The following ALOX15B variants were observed in gnomAD, a reference collection of about 807,000 sequenced individuals.
The protein encoded by ALOX15B is arachidonate 15-lipoxygenase type B, also known as polyunsaturated fatty acid lipoxygenase ALOX15B.
In ALOX15B, 74 loss-of-function variants were observed where a neutral mutation model predicts 73.8. The ratio of observed to expected loss-of-function variants is 1.00; its 90% CI spans 0.83 to 1.22. ALOX15B has a LOEUF of 1.22. ALOX15B is among the 50% of genes most tolerant of loss of function. ALOX15B has a pLI of 0.00. For synonymous variants in ALOX15B, 353 were observed against 357.2 expected (o/e 0.99, Z 0.13); for missense variants, 896 against 859.9 (o/e 1.04, Z -0.52).
At position 8,047,211 on chromosome 17, in the gene ALOX15B, G is replaced by T. The variant is rs199915889; in HGVS notation, c.1458-47G>T. ...TGATGCTAAGCAGAGGCATTCCTCA[G>T]AGCGGGTCGGGGTTGGAGGCTGGAC... On this transcript the variant is annotated intron_variant, in intron 10 of 13. Transcript: ENST00000380183. The T allele has an allele frequency of 1.5e-4, 245 of 1,612,666 alleles. 1 individual carries two copies. In the South Asian group the frequency reaches 2.2e-3, roughly 15 times the overall value.
intron 9 of ALOX15B, 48 bp downstream of exon 9, chr17:8,046,802 G>A (rs1409998589): frequency 3.1e-6 from 5 of 1,612,594 alleles, no homozygotes; most frequent in Non-Finnish European, 4.2e-6. Flanking sequence ...CCTTCAATGT[G>A]ACGAATTTGA....
intron 2 of ALOX15B, 96 bp downstream of exon 2, chr17:8,039,701 C>A: frequency 1.5e-6 from 2 of 1,302,248 alleles, no homozygotes; most frequent in African/African-American, 1.5e-5. Context: ...GAGAGGTGAG[C>A]TGGTGTGGCC....
rs753167346 is a variant in ALOX15B at position 8,039,314 on chromosome 17, G to C, written c.147+12G>C. ...TCACTGCGGGCGCTGTGAGTGCGTGGGAGTGGATGGGGTGGAGGTGAAGGG... is the reference window on the plus strand; with the variant it reads ...TCACTGCGGGCGCTGTGAGTGCGTGCGAGTGGATGGGGTGGAGGTGAAGGG... On this transcript the variant is annotated intron_variant, in intron 1 of 13. Coordinates refer to ENST00000380183, the MANE Select transcript of ALOX15B (RefSeq NM_001141.3). 1 of 1,586,816 alleles carries C rather than the reference G, an allele frequency of 6.3e-7. No homozygotes were observed. The highest frequency in any genetic ancestry group is 1.7e-5 in the Admixed American group (1 of 58,342).
intron 8 of ALOX15B, among the ~76,000 whole-genome samples, 168 bp from the exon 9 acceptor site, chr17:8,046,500 G>T (rs893549791): frequency 6.6e-6 from 1 of 152,304 alleles, no homozygotes; most frequent in Middle Eastern, 3.4e-3. Context: ...CAAGCTGCTG[G>T]TGGAGCCCAG....
chr17:8,039,610 G>A lies in ALOX15B; in HGVS notation c.367+5G>A, dbSNP rs758759480. ...TGGTGCTGCAGGAGGGTACAGGTGAGGGGCGGGCCGGGCTGGGGCTGCAGG... is the reference window on the plus strand; with the variant it reads ...TGGTGCTGCAGGAGGGTACAGGTGAAGGGCGGGCCGGGCTGGGGCTGCAGG... On this transcript the variant is annotated splice_donor_5th_base_variant and intron_variant, in intron 2 of 13. Coordinates refer to ENST00000380183, the MANE Select transcript of ALOX15B (RefSeq NM_001141.3). The A allele has an allele frequency of 1.6e-4, 212 of 1,348,378 alleles. No homozygotes were observed. Among genetic ancestry groups the A allele is most frequent in the Middle Eastern group, 7.4e-4 (3 of 4,044 alleles). 83.5% of individuals were successfully genotyped at this position (1,348,378 alleles called of 1,614,324 possible). A position where few individuals can be genotyped will look rare whatever the true frequency, so the allele number is the denominator to read the frequency against.
chr17:8,039,720 G>T, intron 2 of ALOX15B, 115 bp downstream of exon 2: 1 of 1,240,450 alleles, frequency 8.1e-7, no homozygotes. Context: ...CCACAGAGTA[G>T]CGGGCAGAGG....
Position 8,039,243 on chromosome 17 carries a change from C to T in ALOX15B, c.88C>T (p.Arg30Trp), listed in dbSNP as rs370620348. The change falls in exon 1 of 14, where the codon CGG becomes TGG. Residue 30 changes from arginine to tryptophan, a missense_variant. Coordinates refer to ENST00000380183, the MANE Select transcript of ALOX15B (RefSeq NM_001141.3). ...DKVSVSIVGT[R>W]GESPPLPLDN... is the part of the protein sequence containing the mutation. ...AGTGTCTGTCAGCATCGTGGGGACC[C>T]GGGGAGAGAGCCCCCCACTGCCCCT... The T allele has an allele frequency of 6.2e-6, 10 of 1,604,798 alleles. No homozygotes were observed. The South Asian group carries it at 6.7e-5, about 11-fold the overall frequency.
At position 8,039,478 on chromosome 17, in the gene ALOX15B, G is replaced by A; in HGVS notation, c.240G>A (p.Gly80=). ...HKAPPVLPLL[G]PLAPDAWFCR... is the part of the protein sequence containing the mutation. ...CGCCCCCAGTGCTGCCCCTGCTGGG[G>A]CCCCTGGCCCCGGATGCCTGGTTCT... The change falls in exon 2 of 14, where the codon GGG becomes GGA. Residue 80 remains glycine, a synonymous_variant. Coordinates refer to ENST00000380183, the MANE Select transcript of ALOX15B (RefSeq NM_001141.3). 1 of 1,591,310 alleles carries A rather than the reference G, an allele frequency of 6.3e-7. No homozygotes were observed. The highest frequency in any genetic ancestry group is 8.5e-7 in the Non-Finnish European group (1 of 1,170,704).
chr17:8,040,033 C>A (rs761724064), intron 3 of ALOX15B, 50 bp downstream of exon 3: 5 of 1,556,180 alleles, frequency 3.2e-6, no homozygotes, highest in African/African-American at 1.4e-5. Context: ...CGATGAGGGG[C>A]AGCTTGAGTG....
At position 8,048,913 on chromosome 17, in the gene ALOX15B, A is replaced by G. The variant is rs1132934; in HGVS notation, c.*348A>G. On this transcript the variant is annotated 3_prime_UTR_variant, in exon 14 of 14. Coordinates refer to ENST00000380183, the MANE Select transcript of ALOX15B (RefSeq NM_001141.3). ...GGGGGGAAGCACATAATCCCGCCCC[A>G]GGGCCCACTAGCATCCACTGATTGG... 0.15 allele frequency: 27,361 copies of G among 183,266 alleles called. 2,821 individuals are homozygous for G. The highest frequency in any genetic ancestry group is 0.29 in the African/African-American group (12,386 of 42,362). The allele number at this position is 183,266 out of a possible 1,614,324, so 11.4% of individuals were successfully genotyped here. A position where few individuals can be genotyped will look rare whatever the true frequency, so the allele number is the denominator to read the frequency against.
intron 5 of ALOX15B, among the ~76,000 whole-genome samples, chr17:8,044,456 A>G (rs1213977801): frequency 6.6e-6 from 1 of 151,478 alleles, no homozygotes; most frequent in African/African-American, 2.4e-5. Flanking sequence ...AGAAAAAGAA[A>G]GGGTCCCGAG....
At chr17:8,039,727 G>A in intron 2 of ALOX15B, 122 bp downstream of exon 2, 1 of 1,227,024 alleles carries the variant, frequency 8.1e-7, no homozygotes, top group Non-Finnish European at 1.1e-6. Flanking sequence ...GTAGCGGGCA[G>A]AGGAGAGGGA....
rs1976630229 is a variant in ALOX15B at position 8,047,081 on chromosome 17, G to A, written c.1457+5G>A. Reference sequence around the variant, plus strand: ...GATCTGGGGTGCAGTGGAACGGTGAGGGGCCGTCCCTGGAGAGCCGAGGGC... The same window carrying A: ...GATCTGGGGTGCAGTGGAACGGTGAAGGGCCGTCCCTGGAGAGCCGAGGGC... On this transcript the variant is annotated splice_donor_5th_base_variant and intron_variant, in intron 10 of 13. Transcript: ENST00000380183. The A allele has an allele frequency of 6.2e-7, 1 of 1,613,200 alleles. No individual in the cohort carries two copies. The highest frequency in any genetic ancestry group is 2.2e-5 in the East Asian group (1 of 44,882).
chr17:8,044,386 G>A (rs1351672832), intron 5 of ALOX15B, among the ~76,000 whole-genome samples: 1 of 146,394 alleles, frequency 6.8e-6, no homozygotes, highest in Non-Finnish European at 1.5e-5. Flanking sequence ...CACGCCACTG[G>A]ACTCCAGCCT....
At chr17:8,045,068 G>A in intron 6 of ALOX15B, 67 bp downstream of exon 6, 1 of 1,595,836 alleles carries the variant, frequency 6.3e-7, no homozygotes, top group Non-Finnish European at 8.6e-7. Context: ...GTCCCCTACT[G>A]GAGACAGAGG....
chr17:8,046,766 G>T lies in ALOX15B; in HGVS notation c.1287+12G>T, dbSNP rs369973254. ...AGGTGGTGGACAGGGTGAGAGCTGT[G>T]TTGGGGAGGGAGTAGGCAGGCCACT... On this transcript the variant is annotated intron_variant, in intron 9 of 13. Transcript: ENST00000380183. 1 of 1,613,590 alleles carries T rather than the reference G, an allele frequency of 6.2e-7. No homozygotes were observed. The highest frequency in any genetic ancestry group is 1.3e-5 in the African/African-American group (1 of 75,042).
At chr17:8,039,343 G>T (rs1976362296) in intron 1 of ALOX15B, 41 bp downstream of exon 1, 1 of 1,593,714 alleles carries the variant, frequency 6.3e-7, no homozygotes, top group African/African-American at 1.3e-5. Flanking sequence ...TGAAGGGGGC[G>T]AGCAGGAGGG....
rs1976619897 is a variant in ALOX15B, at chr17:8,046,746, G to A, written c.1279G>A (p.Val427Met). Residue 427 changes from valine (V) to methionine (M), a missense_variant, in exon 9 of 14, where the codon GTG (valine) becomes ATG (methionine). Coordinates refer to ENST00000380183, the MANE Select transcript of ALOX15B (RefSeq NM_001141.3). Reference protein sequence around the residue: ...RELLIVPGQVVDRSTGIGIEG... With the variant: ...RELLIVPGQVMDRSTGIGIEG... ...GCTGCTTATCGTGCCAGGGCAGGTGGTGGACAGGGTGAGAGCTGTGTTGGG... is the reference window on the plus strand; with the variant it reads ...GCTGCTTATCGTGCCAGGGCAGGTGATGGACAGGGTGAGAGCTGTGTTGGG... 6.2e-7 allele frequency: 1 copy of A among 1,613,784 alleles called. No homozygotes were observed. The highest frequency in any genetic ancestry group is 8.5e-7 in the Non-Finnish European group (1 of 1,179,890).
chr17:8,041,617 G>A (rs1598162207), intron 3 of ALOX15B, among the ~76,000 whole-genome samples: 1 of 152,370 alleles, frequency 6.6e-6, no homozygotes, highest in East Asian at 1.9e-4. Context: ...AAACCCAAAA[G>A]CAAGTTTTGA....
Sources: allele counts gnomAD v4.1 joint callset (sites outside exome capture counted in the v4.1 genomes callset), GRCh38; gene constraint gnomAD v4.1.1; transcripts MANE v1.5; gene names NCBI Gene and HGNC (gene_info 2026-07-23, HGNC 2026-07-21).